LINGO2: variants seen among roughly 807,000 people sequenced by gnomAD.
LINGO2 encodes the protein leucine rich repeat and Ig domain containing 2.
In LINGO2, 14 loss-of-function variants were observed where a neutral mutation model predicts 30.6. The observed-to-expected ratio is 0.46, with a 90% confidence interval of 0.30 to 0.72. LINGO2 has a LOEUF of 0.72. LINGO2 is among the 30% of genes least tolerant of loss of function. The pLI is 0.07. For synonymous variants in LINGO2, 317 were observed against 288.5 expected (o/e 1.10, Z -1.00); for missense variants, 729 against 751.7 (o/e 0.97, Z 0.35).
At chr9:28,747,113 AC>A in the LINGO2 span, among the ~76,000 whole-genome samples, 2 of 151,644 alleles carry the variant, frequency 1.3e-5, no homozygotes, top group African/African-American at 4.9e-5. Context: ...GGCCAACCAC[AC>A]CCCCCTATCC....
intron 1 of LINGO2, among the ~76,000 whole-genome samples, chr9:28,596,492 T>G (rs1265382222): frequency 6.6e-6 from 1 of 152,156 alleles, no homozygotes; most frequent in Non-Finnish European, 1.5e-5. Flanking sequence ...AAATCAATTC[T>G]TAGTAGAGAA....
intron 1 of LINGO2, among the ~76,000 whole-genome samples, chr9:28,483,380 C>T (rs891761282): frequency 7.2e-5 from 11 of 151,984 alleles, no homozygotes; most frequent in Non-Finnish European, 1.6e-4. Flanking sequence ...AGGTGGCACT[C>T]AGCAAGATAT....
At position 28,196,620 on chromosome 9, in the gene LINGO2, G is replaced by A. The variant is rs182302827; in HGVS notation, c.-87+98588C>T. Among the ~76,000 whole-genome samples the A allele has an allele frequency of 2.1e-3, 324 of 152,028 alleles. 1 individual carries two copies. Among genetic ancestry groups the A allele is most frequent in the African/African-American group, 6.2e-3 (258 of 41,548 alleles). ...AAGAGGTCCTTACAAATGCAAAATTGTGCCATTTTTTAGATAGGAAGATTC... is the reference window on the plus strand; with the variant it reads ...AAGAGGTCCTTACAAATGCAAAATTATGCCATTTTTTAGATAGGAAGATTC... On this transcript the variant is annotated intron_variant, in intron 4 of 5. Transcript: ENST00000379992.
At chr9:28,466,811 C>G (rs928494447) in intron 2 of LINGO2, among the ~76,000 whole-genome samples, 8 of 152,142 alleles carry the variant, frequency 5.3e-5, no homozygotes, top group Admixed American at 2.6e-4. Flanking sequence ...GTGTTTTTCT[C>G]TTTTATTAAA....
At chr9:28,286,354 A>G (rs1044955797) in intron 4 of LINGO2, among the ~76,000 whole-genome samples, 13 of 152,188 alleles carry the variant, frequency 8.5e-5, no homozygotes, top group Non-Finnish European at 1.5e-4. Context: ...CTTATACACT[A>G]TTAGAGGAAG....
intron 4 of LINGO2, among the ~76,000 whole-genome samples, chr9:28,144,200 A>G (rs1827751753): frequency 6.6e-6 from 1 of 152,190 alleles, no homozygotes. Context: ...TTGGAAATGT[A>G]TGCTATTCTT....
intron 2 of LINGO2, among the ~76,000 whole-genome samples, chr9:28,398,708 G>C (rs1822148067): frequency 1.3e-5 from 2 of 151,824 alleles, no homozygotes; most frequent in Non-Finnish European, 2.9e-5. Flanking sequence ...AAACGAGACT[G>C]AGAGAGAGAA....
chr9:28,493,293 A>G (rs1024682717), intron 1 of LINGO2, among the ~76,000 whole-genome samples: 3 of 152,186 alleles, frequency 2.0e-5, no homozygotes, highest in African/African-American at 7.2e-5. Flanking sequence ...AAACACGATC[A>G]TCTCTCACTG....
chr9:28,032,429 T>C (rs1194358861), intron 4 of LINGO2, among the ~76,000 whole-genome samples: 1 of 151,942 alleles, frequency 6.6e-6, no homozygotes, highest in Non-Finnish European at 1.5e-5. Flanking sequence ...CAACATTACA[T>C]ATGATTCACA....
chr9:28,563,399 C>A (rs1039495702), intron 1 of LINGO2, among the ~76,000 whole-genome samples: 5 of 152,060 alleles, frequency 3.3e-5, no homozygotes, highest in Non-Finnish European at 5.9e-5. Context: ...AGAAGTCATA[C>A]AGCTTTCTAT....
At chr9:28,250,484 C>T (rs1015286401) in intron 4 of LINGO2, among the ~76,000 whole-genome samples, 3 of 151,986 alleles carry the variant, frequency 2.0e-5, no homozygotes, top group African/African-American at 7.2e-5. Flanking sequence ...CAAAGAAGCC[C>T]GAACAAGTCA....
At chr9:28,357,754 T>G (rs1353596161) in intron 3 of LINGO2, among the ~76,000 whole-genome samples, 3 of 152,160 alleles carry the variant, frequency 2.0e-5, no homozygotes, top group Non-Finnish European at 4.4e-5. Flanking sequence ...AATTTTCTGT[T>G]AAAGTTTTTA....
the LINGO2 span, among the ~76,000 whole-genome samples, chr9:28,969,082 G>A: frequency 6.6e-6 from 1 of 152,050 alleles, no homozygotes; most frequent in Non-Finnish European, 1.5e-5. Context: ...AAAAATACTT[G>A]CCCTGGTAGA....
At chr9:28,467,702 C>T (rs558774123) in intron 2 of LINGO2, among the ~76,000 whole-genome samples, 2 of 152,000 alleles carry the variant, frequency 1.3e-5, no homozygotes, top group East Asian at 1.9e-4. Context: ...GGTTGATCCA[C>T]TGGAATTTTT....
At chr9:28,642,278 A>C (rs1409400734) in intron 1 of LINGO2, among the ~76,000 whole-genome samples, 1 of 152,130 alleles carries the variant, frequency 6.6e-6, no homozygotes, top group African/African-American at 2.4e-5. Flanking sequence ...TATTCTGCTA[A>C]AACTTTTAAA....
At chr9:29,052,158 C>T in the LINGO2 span, among the ~76,000 whole-genome samples, 54,468 of 151,794 alleles carry the variant, frequency 0.36, 9,851 homozygotes, top group East Asian at 0.48. Context: ...ACCTCAACTA[C>T]GGAAAATTAA....
At chr9:29,105,850 A>G in the LINGO2 span, among the ~76,000 whole-genome samples, 1 of 152,150 alleles carries the variant, frequency 6.6e-6, no homozygotes, top group Non-Finnish European at 1.5e-5. Context: ...CACCTCGGGG[A>G]GACAGCACAA....
the LINGO2 span, among the ~76,000 whole-genome samples, chr9:28,773,862 C>T: frequency 2.6e-5 from 4 of 151,978 alleles, no homozygotes; most frequent in East Asian, 1.9e-4. Context: ...GTGAAACTCA[C>T]GCTACATCGT....
chr9:27,964,051 A>T (rs942954376), intron 5 of LINGO2, among the ~76,000 whole-genome samples: 1 of 152,040 alleles, frequency 6.6e-6, no homozygotes, highest in African/African-American at 2.4e-5. Context: ...TACAGAAATA[A>T]AATATATCTT....
Sources: gnomAD v4.1 joint callset for allele counts (sites outside exome capture counted in the v4.1 genomes callset) on GRCh38, gnomAD v4.1.1 for gene constraint, MANE v1.5 for transcripts, NCBI Gene and HGNC (gene_info 2026-07-23, HGNC 2026-07-21) for gene names.